DNM1: variants seen among roughly 807,000 people sequenced by gnomAD.
DNM1 encodes dynamin 1.
A neutral mutation model predicts 104.6 loss-of-function variants in DNM1; 29 were observed. The observed-to-expected ratio is 0.28, with a 90% CI of 0.21 to 0.38. The LOEUF (loss-of-function observed/expected upper bound fraction) is 0.38. Among genes scored for constraint, DNM1 ranks in the 10% least tolerant of loss-of-function variants. DNM1 has a pLI of 1.00. For missense variants in DNM1, 640 were observed against 1,189.4 expected (o/e 0.54, Z 6.79); for synonymous variants, 445 against 475.8 (o/e 0.94, Z 0.84).
chr9:128,216,704 C>T (rs1265272052), intron 1 of DNM1, among the ~76,000 whole-genome samples: 1 of 152,226 alleles, frequency 6.6e-6, no homozygotes, highest in Admixed American at 6.5e-5. Context: ...AGCTCTGGGT[C>T]TAGTCTGTTG....
At chr9:128,225,394 C>T (rs1835278839) in intron 10 of DNM1, among the ~76,000 whole-genome samples, 2 of 152,284 alleles carry the variant, frequency 1.3e-5, no homozygotes, top group South Asian at 4.1e-4. Flanking sequence ...GGAGGTCAGG[C>T]TGCTATACTG....
intron 1 of DNM1, among the ~76,000 whole-genome samples, chr9:128,217,280 C>A (rs1834668827): frequency 6.6e-6 from 1 of 152,160 alleles, no homozygotes; most frequent in Non-Finnish European, 1.5e-5. Context: ...GGCTGTGCAA[C>A]CTGAATGTCT....
intron 11 of DNM1, among the ~76,000 whole-genome samples, chr9:128,239,008 CTTCTT>C (rs1415673725): frequency 6.6e-6 from 1 of 150,892 alleles, no homozygotes; most frequent in East Asian, 2.0e-4. Flanking sequence ...CCTCTCCTCT[CTTCTT>C]TTCTCTCAGG....
chr9:128,222,751 A>G lies in DNM1; in HGVS notation c.1129-42A>G. 6.2e-7 allele frequency: 1 copy of G among 1,612,422 alleles called. No individual in the cohort carries two copies. Among genetic ancestry groups the G allele is most frequent in the Non-Finnish European group, 8.5e-7 (1 of 1,178,698 alleles). ...GCCCTGTCTTGACCTCCCAGGTAGTAGGACAGGCCCTGACCAGGCTTTTCT... is the reference window on the plus strand; with the variant it reads ...GCCCTGTCTTGACCTCCCAGGTAGTGGGACAGGCCCTGACCAGGCTTTTCT... On this transcript the variant is annotated intron_variant, in intron 8 of 21. Coordinates refer to ENST00000372923, the MANE Select transcript of DNM1 (RefSeq NM_004408.4). This position sits in a 1 kb window ranked among gnomAD's most constrained non-coding sequence, Gnocchi z 7.8.
chr9:128,236,743 A>C (rs916363738), intron 11 of DNM1, among the ~76,000 whole-genome samples: 1 of 152,092 alleles, frequency 6.6e-6, no homozygotes, highest in African/African-American at 2.4e-5. Flanking sequence ...TCCTAGCTAC[A>C]TGGGAGGCTG....
rs778321233 is a variant in DNM1, at chr9:128,239,465, C to G, written c.1443C>G (p.Ile481Met). The change falls in exon 12 of 22, where the codon ATC becomes ATG. Residue 481 changes from isoleucine (I) to methionine (M), a missense_variant. Ile to Met is a conservative substitution (Grantham distance 10). Coordinates refer to ENST00000372923, the MANE Select transcript of DNM1 (RefSeq NM_004408.4). ...TGAAGGTCATGCTTCTCATCGATAT[C>G]GAGCTGGCTTACATGAACACCAACC... ...TKEQVMLLID[I>M]ELAYMNTNHE... 3 of 1,613,886 alleles carry G rather than the reference C, an allele frequency of 1.9e-6. No homozygotes were observed. Among genetic ancestry groups the G allele is most frequent in the South Asian group, 2.2e-5 (2 of 91,084 alleles).
rs920789368 is a variant in DNM1 at position 128,254,205 on chromosome 9, C to T, written c.2535-449C>T. 2 of 1,330,360 alleles carry T rather than the reference C, an allele frequency of 1.5e-6. No individual in the cohort carries two copies. The highest frequency in any genetic ancestry group is 1.9e-6 in the Non-Finnish European group (2 of 1,048,600). 82.4% of individuals were successfully genotyped at this position (1,330,360 alleles called of 1,614,324 possible). A position where few individuals can be genotyped will look rare whatever the true frequency, so the allele number is the denominator to read the frequency against. The stretch of plus-strand genomic sequence containing the variant: ...TCCCTCCAGCCATCCCTTTTAGTTT[C>T]ACCCTCCTGGTTCAAGCAGTGTTCT... On this transcript the variant is annotated intron_variant, in intron 21 of 21. Transcript: ENST00000372923. The surrounding 1 kb of genome is among the most constrained non-coding windows in gnomAD (Gnocchi z 6.1).
rs1433807297 is a variant in DNM1 at position 128,243,996 on chromosome 9, T to C, written c.1671+1651T>C. Among the ~76,000 whole-genome samples, 2 of 150,912 alleles carry C rather than the reference T, an allele frequency of 1.3e-5. No homozygotes were observed. The highest frequency in any genetic ancestry group is 2.1e-4 in the South Asian group (1 of 4,796). On this transcript the variant is annotated intron_variant, in intron 15 of 21. Coordinates refer to ENST00000372923, the MANE Select transcript of DNM1 (RefSeq NM_004408.4). The surrounding 1 kb of genome is among the most constrained non-coding windows in gnomAD (Gnocchi z 4.0). ...CTTGTGGGTCTGGTGTGTGGGTGTT[T>C]TTTAGGAGTGTGATTGGAGTATAAG...
At chr9:128,232,049 A>G (rs1174409829) in intron 10 of DNM1, 2 of 456,494 alleles carry the variant, frequency 4.4e-6, no homozygotes, top group South Asian at 1.5e-5. Context: ...CAAAGGGGAC[A>G]GAACTTCTCA....
intron 11 of DNM1, among the ~76,000 whole-genome samples, chr9:128,235,360 G>T (rs763217968): frequency 1.7e-4 from 26 of 152,062 alleles, no homozygotes; most frequent in Non-Finnish European, 3.2e-4. Flanking sequence ...CGGACTTGGT[G>T]GTGGGCGCCT....
chr9:128,232,545 C>T (rs1835760397), intron 10 of DNM1: 2 of 154,564 alleles, frequency 1.3e-5, no homozygotes, highest in Non-Finnish European at 1.4e-5. Flanking sequence ...CTCCTCAAAA[C>T]TCCTTGGCCT....
At position 128,222,934 on chromosome 9, in the gene DNM1, G is replaced by T; in HGVS notation, c.1196+74G>T. ...CTGGGACAGAGGCACAGGGAGTGATGAAGTGGGCCTCCCTCAGGAAGGACT... is the reference window on the plus strand; with the variant it reads ...CTGGGACAGAGGCACAGGGAGTGATTAAGTGGGCCTCCCTCAGGAAGGACT... On this transcript the variant is annotated intron_variant, in intron 9 of 21. Coordinates refer to ENST00000372923, the MANE Select transcript of DNM1 (RefSeq NM_004408.4). The surrounding 1 kb of genome is among the most constrained non-coding windows in gnomAD (Gnocchi z 7.8). The T allele has an allele frequency of 7.1e-7, 1 of 1,402,328 alleles. No individual in the cohort carries two copies. Among genetic ancestry groups the T allele is most frequent in the Non-Finnish European group, 1.0e-6 (1 of 992,836 alleles). 86.9% of individuals were successfully genotyped at this position (1,402,328 alleles called of 1,614,324 possible).
intron 11 of DNM1, among the ~76,000 whole-genome samples, chr9:128,237,983 C>A (rs951803230): frequency 1.3e-5 from 2 of 151,900 alleles, no homozygotes; most frequent in African/African-American, 4.8e-5. Context: ...CCATGTTTCC[C>A]AGGTTGGTTT....
chr9:128,241,104 T>C (rs1011229718), intron 14 of DNM1: 2 of 152,228 alleles, frequency 1.3e-5, no homozygotes, highest in African/African-American at 4.8e-5. Context: ...GCTGTGCAGC[T>C]TGGGTTCTCA....
intron 11 of DNM1, among the ~76,000 whole-genome samples, chr9:128,238,270 G>C (rs1395506947): frequency 1.3e-5 from 2 of 152,082 alleles, no homozygotes; most frequent in East Asian, 3.9e-4. Flanking sequence ...TGTTGCCCAG[G>C]CTGGAGTGCA....
At chr9:128,232,108 CAT>C (rs772331593) in intron 10 of DNM1, 9 of 451,038 alleles carry the variant, frequency 2.0e-5, no homozygotes, top group South Asian at 7.8e-5. Flanking sequence ...AAACTTGAGA[CAT>C]GTGACATCCA....
chr9:128,250,760 C>T lies in DNM1; in HGVS notation c.2354C>T (p.Ala785Val), dbSNP rs779015426. 4 of 1,423,058 alleles carry T rather than the reference C, an allele frequency of 2.8e-6. No individual in the cohort carries two copies. Among genetic ancestry groups the T allele is most frequent in the Non-Finnish European group, 9.1e-7 (1 of 1,093,226 alleles). 88.2% of individuals were successfully genotyped at this position (1,423,058 alleles called of 1,614,324 possible). A position where few individuals can be genotyped will look rare whatever the true frequency, so the allele number is the denominator to read the frequency against. The change falls in exon 21 of 22, where the codon GCC becomes GTC. Residue 785 changes from alanine to valine, a missense_variant. Physicochemically the swap from Ala to Val is moderately conservative, Grantham distance 64 (BLOSUM62 0). Coordinates refer to ENST00000372923, the MANE Select transcript of DNM1 (RefSeq NM_004408.4). ...TCCAGCCCCACGCCGCAGCGCCGAGCCCCCGCCGTGCCCCCAGCCCGGCCC... is the reference window on the plus strand; with the variant it reads ...TCCAGCCCCACGCCGCAGCGCCGAGTCCCCGCCGTGCCCCCAGCCCGGCCC... ...PTSSPTPQRR[A>V]PAVPPARPGS...
At chr9:128,225,240 C>G (rs1220304384) in intron 10 of DNM1, among the ~76,000 whole-genome samples, 1 of 152,224 alleles carries the variant, frequency 6.6e-6, no homozygotes, top group African/African-American at 2.4e-5. Context: ...GCTGTCCCGG[C>G]CCCTCTCTAT....
chr9:128,205,893 G>A (rs1442255581), intron 1 of DNM1, among the ~76,000 whole-genome samples: 1 of 152,188 alleles, frequency 6.6e-6, no homozygotes, highest in African/African-American at 2.4e-5. Context: ...GGGCCCTCTG[G>A]CTGCCCTCTC....
Sources: gnomAD v4.1 joint callset for allele counts (sites outside exome capture counted in the v4.1 genomes callset) on GRCh38, gnomAD v4.1.1 for gene constraint, Gnocchi (gnomAD v3.1) non-coding constraint, MANE v1.5 for transcripts, NCBI Gene and HGNC (gene_info 2026-07-23, HGNC 2026-07-21) for gene names.